Variants in RTL9 observed in about 807,000 individuals in gnomAD.
The protein encoded by RTL9 is retrotransposon Gag like 9, also known as retrotransposon Gag-like protein 9.
RTL9 carries 19 observed loss-of-function variants against 44.7 expected under a neutral mutation model. That is an observed-to-expected ratio of 0.42 (90% CI 0.30 to 0.62). RTL9 has a LOEUF of 0.62. RTL9 is among the 20% of genes least tolerant of loss of function. The probability of loss-of-function intolerance (pLI) is 0.16; values close to 1 mark genes in which losing one functional copy is unlikely to be tolerated. For synonymous variants in RTL9, 407 were observed against 398.9 expected (o/e 1.02, Z -0.24); for missense variants, 1,105 against 1,080.6 (o/e 1.02, Z -0.32).
At chrX:110,441,226 T>G (rs57639839) in intron 1 of RTL9, among the ~76,000 whole-genome samples, 54,437 of 110,464 alleles carry the variant, frequency 0.49, 11,780 homozygotes, top group African/African-American at 0.81. Context: ...AACCCAAATG[T>G]TGTAAAGAGT....
intron 1 of RTL9, among the ~76,000 whole-genome samples, chrX:110,372,824 C>G (rs974883945): frequency 1.8e-5 from 2 of 111,425 alleles, no homozygotes; most frequent in East Asian, 5.6e-4. Flanking sequence ...CATTTCACCA[C>G]TCACAGGAAA....
chrX:110,396,146 G>A (rs144665193), intron 1 of RTL9, among the ~76,000 whole-genome samples: 1,277 of 111,383 alleles, frequency 0.011, 10 homozygotes, highest in African/African-American at 0.023. Context: ...CTGGCATCCA[G>A]TATTAGTCAT....
intron 1 of RTL9, among the ~76,000 whole-genome samples, chrX:110,420,644 G>A (rs766167184): frequency 1.8e-5 from 2 of 112,209 alleles, no homozygotes; most frequent in Non-Finnish European, 3.8e-5. Context: ...TGCAGAATGA[G>A]GCAGGGTGTG....
chrX:110,391,897 C>CAA (rs2068496272), intron 1 of RTL9, among the ~76,000 whole-genome samples: 1 of 111,847 alleles, frequency 8.9e-6, no homozygotes, highest in Non-Finnish European at 1.9e-5. Context: ...CTGATTTTGT[C>CAA]AAAGGCTTAA....
chrX:110,441,615 T>C (rs1159262485), intron 1 of RTL9, among the ~76,000 whole-genome samples: 1 of 112,165 alleles, frequency 8.9e-6, no homozygotes, highest in Non-Finnish European at 1.9e-5. Flanking sequence ...ATATAACATA[T>C]ATATCACACC....
chrX:110,414,890 C>A (rs1449544835), upstream of RTL9, among the ~76,000 whole-genome samples: 2 of 112,245 alleles, frequency 1.8e-5, no homozygotes, highest in Non-Finnish European at 3.8e-5. Context: ...CTACCACTTG[C>A]CCATGCAGTC....
chrX:110,418,565 G>A (rs1215263106), upstream of RTL9, among the ~76,000 whole-genome samples: 1 of 111,657 alleles, frequency 9.0e-6, no homozygotes, highest in Non-Finnish European at 1.9e-5. Flanking sequence ...GCAAGCTTAA[G>A]GCCGGGTGGG....
intron 1 of RTL9, among the ~76,000 whole-genome samples, chrX:110,365,468 T>A (rs2068291173): frequency 8.9e-6 from 1 of 112,259 alleles, no homozygotes; most frequent in African/African-American, 3.2e-5. Flanking sequence ...CAATATCATT[T>A]CATATGGCTT....
intron 1 of RTL9, among the ~76,000 whole-genome samples, chrX:110,362,142 A>T (rs911942608): frequency 7.2e-5 from 8 of 111,341 alleles, no homozygotes; most frequent in East Asian, 2.8e-4. Context: ...TGGAATAAAA[A>T]ATATATATAT....
chrX:110,376,414 C>T (rs908369934), intron 1 of RTL9, among the ~76,000 whole-genome samples: 5 of 111,391 alleles, frequency 4.5e-5, no homozygotes, highest in Admixed American at 2.9e-4. Context: ...ATGCACAGGA[C>T]CAGATGGCCT....
intron 1 of RTL9, among the ~76,000 whole-genome samples, chrX:110,408,699 C>G (rs1479696140): frequency 8.9e-6 from 1 of 112,012 alleles, no homozygotes; most frequent in Non-Finnish European, 1.9e-5. Context: ...TGGAATTAAT[C>G]AATATAACAT....
intron 1 of RTL9, among the ~76,000 whole-genome samples, chrX:110,375,324 G>A (rs984808171): frequency 8.9e-6 from 1 of 111,903 alleles, no homozygotes; most frequent in Non-Finnish European, 1.9e-5. Context: ...ATGAGCAACA[G>A]GAAACTTTAG....
At chrX:110,432,784 A>G (rs2068807415) in intron 1 of RTL9, among the ~76,000 whole-genome samples, 1 of 112,459 alleles carries the variant, frequency 8.9e-6, no homozygotes, top group Non-Finnish European at 1.9e-5. Flanking sequence ...TGCTTCCTGA[A>G]TGTTTCCAAG....
intron 1 of RTL9, among the ~76,000 whole-genome samples, chrX:110,397,679 A>T (rs774481585): frequency 7.2e-5 from 8 of 111,174 alleles, no homozygotes; most frequent in Non-Finnish European, 1.3e-4. Context: ...TTTGCTTTCT[A>T]ATATCCTAAC....
At chrX:110,371,267 T>A (rs1051613444) in intron 1 of RTL9, among the ~76,000 whole-genome samples, 2 of 110,206 alleles carry the variant, frequency 1.8e-5, no homozygotes, top group Non-Finnish European at 1.9e-5. Flanking sequence ...TTTTAGTTAT[T>A]GTGGGTACAT....
At chrX:110,359,130 G>T (rs147449796) in intron 1 of RTL9, among the ~76,000 whole-genome samples, 3 of 110,925 alleles carry the variant, frequency 2.7e-5, no homozygotes, top group Non-Finnish European at 5.7e-5. Context: ...TCACATAGCT[G>T]GTTAAGTGCC....
intron 1 of RTL9, among the ~76,000 whole-genome samples, chrX:110,369,571 G>A (rs1353671505): frequency 9.1e-6 from 1 of 110,104 alleles, no homozygotes; most frequent in Non-Finnish European, 1.9e-5. Flanking sequence ...AGATGATGTC[G>A]CTCCTCTGCT....
chrX:110,400,648 A>C (rs1483919591), intron 1 of RTL9, among the ~76,000 whole-genome samples: 2 of 111,333 alleles, frequency 1.8e-5, no homozygotes, highest in Non-Finnish European at 3.8e-5. Context: ...TCTGCCTAAC[A>C]ATTGCTGCTT....
chrX:110,440,579 G>A (rs771799425), intron 1 of RTL9, among the ~76,000 whole-genome samples: 4 of 111,768 alleles, frequency 3.6e-5, no homozygotes, highest in African/African-American at 9.8e-5. Context: ...CAGGGGTTTG[G>A]AAAGAGGTCC....
Sources: gnomAD v4.1 joint callset for allele counts (sites outside exome capture counted in the v4.1 genomes callset) on GRCh38, gnomAD v4.1.1 for gene constraint, MANE v1.5 for transcripts, NCBI Gene and HGNC (gene_info 2026-07-23, HGNC 2026-07-21) for gene names.